HDAC4: variants seen among roughly 807,000 people sequenced by gnomAD.
The protein encoded by HDAC4 is histone deacetylase A.
A neutral mutation model predicts 135.1 loss-of-function variants in HDAC4; 16 were observed. The observed-to-expected ratio is 0.12, with a 90% CI of 0.08 to 0.18. The LOEUF (loss-of-function observed/expected upper bound fraction) is 0.18. Among genes scored for constraint, HDAC4 ranks in the 10% least tolerant of loss-of-function variants. The pLI is 1.00. For missense variants in HDAC4, 1,143 were observed against 1,511.8 expected, an observed-to-expected ratio of 0.76 and a Z score of 4.05; for synonymous variants, 685 against 653.4, an observed-to-expected ratio of 1.05 and a Z score of -0.74.
chr2:239,090,662 A>AC (rs1351950216), intron 17 of HDAC4, among the ~76,000 whole-genome samples: 5 of 151,186 alleles, frequency 3.3e-5, no homozygotes, highest in African/African-American at 9.7e-5. Flanking sequence ...AAAAAAAAAA[A>AC]CTGGAAACTT....
Position 239,176,577 on chromosome 2 carries a change from G to A in HDAC4, c.340-14C>T. The stretch of plus-strand genomic sequence containing the variant: ...CTCCTGTTGTTGCTGCAAGTGGAAG[G>A]AGGAGACAGACGGTCAGAGCCCAGG... On this transcript the variant is annotated splice_polypyrimidine_tract_variant and intron_variant, in intron 4 of 26. Coordinates refer to ENST00000543185, the MANE Select transcript of HDAC4 (RefSeq NM_001378414.1). 1 of 1,611,416 alleles carries A rather than the reference G, an allele frequency of 6.2e-7. No homozygotes were observed. The highest frequency in any genetic ancestry group is 1.3e-5 in the African/African-American group (1 of 74,982).
At chr2:239,356,954 T>C (rs1334174489) in intron 1 of HDAC4, among the ~76,000 whole-genome samples, 1 of 152,204 alleles carries the variant, frequency 6.6e-6, no homozygotes, top group Non-Finnish European at 1.5e-5. Context: ...ACCCTGCTCT[T>C]AGTAGCTGTT....
intron 1 of HDAC4, among the ~76,000 whole-genome samples, chr2:239,358,078 C>T (rs1380092641): frequency 6.6e-6 from 1 of 152,182 alleles, no homozygotes; most frequent in Non-Finnish European, 1.5e-5. Flanking sequence ...CATATCAACA[C>T]ACGTCTTCGT....
chr2:239,162,307 G>A (rs1228740405), intron 6 of HDAC4: 1 of 456,584 alleles, frequency 2.2e-6, no homozygotes, highest in Non-Finnish European at 4.4e-6. Context: ...CTGCACTCCA[G>A]CTCTCCATCC....
chr2:239,209,175 G>T (rs887297942), intron 3 of HDAC4, among the ~76,000 whole-genome samples: 1 of 152,232 alleles, frequency 6.6e-6, no homozygotes, highest in Non-Finnish European at 1.5e-5. Flanking sequence ...TCAGGCCACT[G>T]TGCCTGGCCC....
intron 4 of HDAC4, among the ~76,000 whole-genome samples, chr2:239,179,623 G>A (rs2044010323): frequency 6.6e-6 from 1 of 152,212 alleles, no homozygotes; most frequent in East Asian, 1.9e-4. Context: ...GGGACCGATT[G>A]CCGCTCTACA....
rs1696933180 is a variant in HDAC4, at chr2:239,400,810, G to A, written c.-220+168C>T. The A allele has an allele frequency of 1.4e-5, 2 of 146,148 alleles. No homozygotes were observed. Among genetic ancestry groups the A allele is most frequent in the African/African-American group, 4.9e-5 (2 of 40,602 alleles). 9.1% of individuals were successfully genotyped at this position (146,148 alleles called of 1,614,324 possible). On this transcript the variant is annotated intron_variant, in intron 1 of 26. Coordinates refer to ENST00000543185, the MANE Select transcript of HDAC4 (RefSeq NM_001378414.1). The surrounding 1 kb of genome is among the most constrained non-coding windows in gnomAD (Gnocchi z 4.7). Reference sequence around the variant, plus strand: ...GGGCTCGGGCGGCGACAGCCGGGACGCGGCCACGGCGCCGCCGGGGGCCCA... The same window carrying A: ...GGGCTCGGGCGGCGACAGCCGGGACACGGCCACGGCGCCGCCGGGGGCCCA...
In HDAC4 at chr2:239,167,460, A is replaced by G. The variant is rs2043182161; in HGVS notation, c.491-3537T>C. Among the ~76,000 whole-genome samples the G allele has an allele frequency of 6.6e-6, 1 of 152,190 alleles. No individual in the cohort carries two copies. Among genetic ancestry groups the G allele is most frequent in the African/African-American group, 2.4e-5 (1 of 41,456 alleles). On this transcript the variant is annotated intron_variant, in intron 5 of 26. Coordinates refer to ENST00000543185, the MANE Select transcript of HDAC4 (RefSeq NM_001378414.1). This position sits in a 1 kb window ranked among gnomAD's most constrained non-coding sequence, Gnocchi z 4.1. ...CATGACTGGGGTTCACACCCCACCC[A>G]TGCCCAGCATAGGCCTGGCCAGCAG...
chr2:239,331,500 T>A lies in HDAC4; in HGVS notation c.22+21178A>T, dbSNP rs1259802215. Among the ~76,000 whole-genome samples, 1 of 152,034 alleles carries A rather than the reference T, an allele frequency of 6.6e-6. No individual in the cohort carries two copies. The highest frequency in any genetic ancestry group is 1.5e-5 in the Non-Finnish European group (1 of 67,986). On this transcript the variant is annotated intron_variant, in intron 2 of 26. Transcript: ENST00000543185. This position sits in a 1 kb window ranked among gnomAD's most constrained non-coding sequence, Gnocchi z 4.5. ...GCCCAACAGTTATTTTACTGCAACATAAAGATGAATGCAAGCCTGGAAAGC... is the reference window on the plus strand; with the variant it reads ...GCCCAACAGTTATTTTACTGCAACAAAAAGATGAATGCAAGCCTGGAAAGC...
chr2:239,241,104 G>A (rs994639208), intron 2 of HDAC4, among the ~76,000 whole-genome samples: 1 of 152,116 alleles, frequency 6.6e-6, no homozygotes, highest in Non-Finnish European at 1.5e-5. Context: ...TTAAACCAGC[G>A]GCTTGTCTGA....
At chr2:239,222,588 C>T (rs922829098) in intron 3 of HDAC4, among the ~76,000 whole-genome samples, 2 of 149,004 alleles carry the variant, frequency 1.3e-5, no homozygotes, top group African/African-American at 2.5e-5. Flanking sequence ...CATACAGAAG[C>T]GCAGCCATGA....
intron 1 of HDAC4, among the ~76,000 whole-genome samples, chr2:239,389,379 G>A (rs192201869): frequency 5.3e-4 from 80 of 152,274 alleles, no homozygotes; most frequent in Middle Eastern, 6.8e-3. Context: ...GCGAAGGTCC[G>A]CAGCTTCATT....
intron 7 of HDAC4, among the ~76,000 whole-genome samples, chr2:239,149,841 T>A (rs2041999473): frequency 6.6e-6 from 1 of 151,796 alleles, no homozygotes; most frequent in African/African-American, 2.4e-5. Flanking sequence ...TGCAACACCA[T>A]CCCGCCTGCT....
intron 2 of HDAC4, among the ~76,000 whole-genome samples, chr2:239,238,562 A>T (rs1212458179): frequency 6.6e-6 from 1 of 152,140 alleles, no homozygotes; most frequent in East Asian, 1.9e-4. Flanking sequence ...AAAGCCCTAG[A>T]ACCAGAAAGT....
rs2053001936 is a variant in HDAC4, at chr2:239,313,887, G to T, written c.22+38791C>A. On this transcript the variant is annotated intron_variant, in intron 2 of 26. Transcript: ENST00000543185. This position sits in a 1 kb window ranked among gnomAD's most constrained non-coding sequence, Gnocchi z 5.1. ...AGGGCCTGTCCTGGGGCAGCCACCT[G>T]CACTGCCTCTTACCACTGCACCGTC... Among the ~76,000 whole-genome samples, 1 of 152,162 alleles carries T rather than the reference G, an allele frequency of 6.6e-6. No individual in the cohort carries two copies. Among genetic ancestry groups the T allele is most frequent in the African/African-American group, 2.4e-5 (1 of 41,448 alleles).
At chr2:239,373,849 G>A (rs987315536) in intron 1 of HDAC4, among the ~76,000 whole-genome samples, 3 of 152,118 alleles carry the variant, frequency 2.0e-5, no homozygotes, top group Non-Finnish European at 4.4e-5. Context: ...CTAGAGATCC[G>A]GGGTCAATGA....
chr2:239,297,121 C>G (rs1429592322), intron 2 of HDAC4, among the ~76,000 whole-genome samples: 2 of 152,088 alleles, frequency 1.3e-5, no homozygotes, highest in African/African-American at 4.8e-5. Flanking sequence ...GGGTGGCTCC[C>G]CAGAAGCCTC....
chr2:239,240,670 G>A lies in HDAC4; in HGVS notation c.23-4006C>T, dbSNP rs147006663. On this transcript the variant is annotated intron_variant, in intron 2 of 26. Coordinates refer to ENST00000543185, the MANE Select transcript of HDAC4 (RefSeq NM_001378414.1). This position sits in a 1 kb window ranked among gnomAD's most constrained non-coding sequence, Gnocchi z 4.5. ...ACAGCATTTAATCAGCGCTGGGGCT[G>A]CAGACCAGATGCACACTGAGAGGGA... 1.2e-3 allele frequency among the ~76,000 whole-genome samples: 190 copies of A among 152,316 alleles called. 1 individual carries two copies. The highest frequency in any genetic ancestry group is 4.2e-3 in the African/African-American group (175 of 41,568).
chr2:239,179,028 C>T, intron 4 of HDAC4, among the ~76,000 whole-genome samples: 1 of 150,766 alleles, frequency 6.6e-6, no homozygotes, highest in Admixed American at 6.6e-5. Flanking sequence ...TGCGAGGCAG[C>T]CACCGGACGC....
Sources: gnomAD v4.1 joint callset for allele counts (sites outside exome capture counted in the v4.1 genomes callset) on GRCh38, gnomAD v4.1.1 for gene constraint, Gnocchi (gnomAD v3.1) non-coding constraint, MANE v1.5 for transcripts, NCBI Gene and HGNC (gene_info 2026-07-23, HGNC 2026-07-21) for gene names.